ABCC6: variants seen among roughly 807,000 people sequenced by gnomAD.
The protein encoded by ABCC6 is ATP-binding cassette sub-family C member 6.
In ABCC6, 126 loss-of-function variants were observed where a neutral mutation model predicts 169.5. That is an observed-to-expected ratio of 0.74 (90% CI 0.64 to 0.86). ABCC6 has a LOEUF of 0.86. Among genes scored for constraint, ABCC6 ranks in the 40% least tolerant of loss-of-function variants. The pLI, the probability that ABCC6 is intolerant of heterozygous loss-of-function variation, is 0.00. For missense variants in ABCC6, 1,733 were observed against 1,927.2 expected (o/e 0.90, Z 1.89); for synonymous variants, 752 against 814.7 (o/e 0.92, Z 1.31).
At chr16:16,189,618 A>G (rs2047774771) in intron 12 of ABCC6, among the ~76,000 whole-genome samples, 1 of 152,060 alleles carries the variant, frequency 6.6e-6, no homozygotes, top group Admixed American at 6.6e-5. Flanking sequence ...GGGTTTCGCC[A>G]TGTTGGCCAG....
intron 22 of ABCC6, among the ~76,000 whole-genome samples, chr16:16,169,094 CAAAT>C (rs778840220): frequency 1.6e-4 from 25 of 151,940 alleles, no homozygotes; most frequent in Non-Finnish European, 2.2e-4. Context: ...ATAAAATAAA[CAAAT>C]AAATAAATAA....
At chr16:16,202,613 C>T (rs1414284794) in intron 8 of ABCC6, among the ~76,000 whole-genome samples, 1 of 151,642 alleles carries the variant, frequency 6.6e-6, no homozygotes, top group Admixed American at 6.6e-5. Flanking sequence ...CAAGGAGACA[C>T]CAGGGGGCGC....
In ABCC6 at chr16:16,193,524, G is replaced by C. The variant is rs146883095; in HGVS notation, c.1339-602C>G. Among the ~76,000 whole-genome samples, 896 of 152,240 alleles carry C rather than the reference G, an allele frequency of 5.9e-3. 8 individuals carry two copies. The highest frequency in any genetic ancestry group is 0.02 in the African/African-American group (848 of 41,544). On this transcript the variant is annotated intron_variant, in intron 10 of 30. Coordinates refer to ENST00000205557, the MANE Select transcript of ABCC6 (RefSeq NM_001171.6). Reference sequence around the variant, plus strand: ...AGGTCAGGAGTTTGAGACCAGCCTGGCCAACATAGTGAAACACAGTCTCTA... The same window carrying C: ...AGGTCAGGAGTTTGAGACCAGCCTGCCCAACATAGTGAAACACAGTCTCTA...
Position 16,174,440 on chromosome 16 carries a change from T to C in ABCC6, c.2667-1036A>G, listed in dbSNP as rs1302322965. On this transcript the variant is annotated intron_variant, in intron 20 of 30. Transcript: ENST00000205557. The stretch of plus-strand genomic sequence containing the variant: ...GTATTCTGGTTCAGGGACTGCCCGA[T>C]GTGCGGATCATTCTTTGCTTAGTTA... Among the ~76,000 whole-genome samples the C allele has an allele frequency of 2.6e-5, 4 of 152,296 alleles. No individual in the cohort carries two copies. In the South Asian group the frequency reaches 6.2e-4, roughly 24 times the overall value.
chr16:16,221,891 G>A, intron 1 of ABCC6, 60 bp from the exon 2 acceptor site: 5 of 1,611,950 alleles, frequency 3.1e-6, no homozygotes, highest in Non-Finnish European at 4.2e-6. Context: ...CAGCTCACCT[G>A]CCCAGGGGGC....
rs748503108 is a variant in ABCC6 at position 16,182,416 on chromosome 16, T to TC, written c.2242dup (p.Glu748GlyfsTer31). 5 of 1,613,612 alleles carry TC rather than the reference T, an allele frequency of 3.1e-6. No individual in the cohort carries two copies. Among genetic ancestry groups the TC allele is most frequent in the Non-Finnish European group, 3.4e-6 (4 of 1,180,028 alleles). ...AAAAGACCCCCAAACTCTCACCTGC[T>TC]CCCCAATTGAAGTGTGGATTCCCTC... On this transcript the variant is annotated frameshift_variant, in exon 17 of 31. Transcript: ENST00000205557. LOFTEE classifies it high-confidence loss of function.
intron 22 of ABCC6, among the ~76,000 whole-genome samples, 169 bp downstream of exon 22, chr16:16,169,477 C>T (rs896865493): frequency 9.9e-5 from 15 of 152,090 alleles, no homozygotes; most frequent in Non-Finnish European, 2.1e-4. Flanking sequence ...CTGTCCTTCC[C>T]GTTCCCTCCA....
chr16:16,172,781 A>C (rs901553709), intron 21 of ABCC6, among the ~76,000 whole-genome samples: 1 of 152,066 alleles, frequency 6.6e-6, no homozygotes, highest in South Asian at 2.1e-4. Context: ...AGTGGCTCAC[A>C]CCTGTAACCC....
Position 16,198,180 on chromosome 16 carries a change from G to T in ABCC6, c.1179C>A (p.Val393=). The T allele has an allele frequency of 6.3e-7, 1 of 1,594,446 alleles. No homozygotes were observed. The highest frequency in any genetic ancestry group is 8.5e-7 in the Non-Finnish European group (1 of 1,170,000). Residue 393 remains valine, a splice_region_variant and synonymous_variant, in exon 10 of 31, where the codon GTC becomes GTA. Coordinates refer to ENST00000205557, the MANE Select transcript of ABCC6 (RefSeq NM_001171.6). ...SAITGLVYRK[V]LALSSGSRKA... is the part of the protein sequence containing the mutation. ...TTCTGGAGCCGCTGGACAGAGCCAGGACCTGGCGGGTGGGCAGAAGGAGAG... is the reference window on the plus strand; with the variant it reads ...TTCTGGAGCCGCTGGACAGAGCCAGTACCTGGCGGGTGGGCAGAAGGAGAG...
chr16:16,183,082 A>G, intron 15 of ABCC6, 152 bp from the exon 16 acceptor site: 1 of 1,231,556 alleles, frequency 8.1e-7, no homozygotes, highest in Non-Finnish European at 1.2e-6. Context: ...TTGTCTAGCT[A>G]TTTGAGGAAC....
In ABCC6 at chr16:16,162,974, C is replaced by G. The variant is rs1240758554; in HGVS notation, c.3506+19G>C. On this transcript the variant is annotated intron_variant, in intron 24 of 30. Transcript: ENST00000205557. ...ATATGGATGAATTGCAAGGTCTTCT[C>G]TGCCCTGGCTCTTCCTACCTGTCAG... The G allele has an allele frequency of 6.8e-6, 11 of 1,613,864 alleles. No homozygotes were observed. The highest frequency in any genetic ancestry group is 1.3e-5 in the African/African-American group (1 of 74,920).
intron 29 of ABCC6, among the ~76,000 whole-genome samples, chr16:16,151,564 A>G (rs941938851): frequency 6.6e-6 from 1 of 152,158 alleles, no homozygotes; most frequent in African/African-American, 2.4e-5. Flanking sequence ...GGCCTTAAAT[A>G]CAGATGTGTA....
intron 13 of ABCC6, among the ~76,000 whole-genome samples, chr16:16,188,050 A>G (rs1047262337): frequency 4.5e-4 from 68 of 152,056 alleles, no homozygotes; most frequent in African/African-American, 1.5e-3. Context: ...TGGCCTGGCC[A>G]ACATGGTGAA....
chr16:16,172,800 TG>T, intron 21 of ABCC6, among the ~76,000 whole-genome samples: 1 of 152,246 alleles, frequency 6.6e-6, no homozygotes, highest in Admixed American at 6.5e-5. Flanking sequence ...CCCAGCACTT[TG>T]GGAGGCAGAG....
rs1483470625 is a variant in ABCC6 at position 16,202,016 on chromosome 16, G to A, written c.1161C>T (p.Gly387=). 2.5e-6 allele frequency: 4 copies of A among 1,613,876 alleles called. No homozygotes were observed. The highest frequency in any genetic ancestry group is 2.5e-6 in the Non-Finnish European group (3 of 1,179,890). The change falls in exon 9 of 31, where the codon GGC becomes GGT. Residue 387 remains glycine (G), a synonymous_variant. Coordinates refer to ENST00000205557, the MANE Select transcript of ABCC6 (RefSeq NM_001171.6). The stretch of plus-strand genomic sequence containing the variant: ...CAGGGCTCACCTTTCTGTACACCAG[G>A]CCAGTGATGGCCGACCGCAACCTCA... The part of the protein sequence containing the change: ...LQMRLRSAIT[G]LVYRKVLALS...
chr16:16,193,836 C>T (rs892440952), intron 10 of ABCC6, among the ~76,000 whole-genome samples: 1 of 152,234 alleles, frequency 6.6e-6, no homozygotes, highest in Non-Finnish European at 1.5e-5. Flanking sequence ...AACACAGCTG[C>T]AGACCCCGAA....
At chr16:16,150,840 C>A (rs2046367090) in intron 29 of ABCC6, 68 bp from the exon 30 acceptor site, 10 of 1,576,734 alleles carry the variant, frequency 6.3e-6, no homozygotes, top group Non-Finnish European at 8.6e-6. Context: ...TGGGTGTGCC[C>A]AGAAACAGGT....
In ABCC6 at chr16:16,190,326, G is replaced by A. The variant is rs764676656; in HGVS notation, c.1473C>T (p.Thr491=). 7 of 1,614,052 alleles carry A rather than the reference G, an allele frequency of 4.3e-6. No individual in the cohort carries two copies. In the African/African-American group the frequency reaches 8.0e-5, roughly 18 times the overall value. ...TCTTCGAGTTCCTGAGGATAGAGCT[G>A]GTGAGCCGTGCCCGTGAGTCCTTCT... is the stretch of plus-strand genomic sequence containing the variant. ...MRQKDSRARL[T]SSILRNSKTI... is the part of the protein sequence containing the mutation. Residue 491 remains threonine, a synonymous_variant, in exon 12 of 31, where the codon ACC becomes ACT. Coordinates refer to ENST00000205557, the MANE Select transcript of ABCC6 (RefSeq NM_001171.6).
chr16:16,212,584 A>C (rs2048674219), intron 5 of ABCC6, among the ~76,000 whole-genome samples: 1 of 151,152 alleles, frequency 6.6e-6, no homozygotes, highest in Non-Finnish European at 1.5e-5. Flanking sequence ...TGCTGGGATT[A>C]CAGGCATGAG....
Sources: allele counts gnomAD v4.1 joint callset (sites outside exome capture counted in the v4.1 genomes callset), GRCh38; gene constraint gnomAD v4.1.1; transcripts MANE v1.5; gene names NCBI Gene and HGNC (gene_info 2026-07-23, HGNC 2026-07-21).